The following CNN1 variants were observed in gnomAD, a reference collection of about 807,000 sequenced individuals.
CNN1 encodes the protein calponin 1, also known as calponin-1.
In CNN1, 21 loss-of-function variants were observed where a neutral mutation model predicts 35.3. The observed-to-expected ratio is 0.60, with a 90% CI of 0.42 to 0.86. CNN1 has a LOEUF of 0.86. CNN1 is among the 40% of genes least tolerant of loss of function. The probability of loss-of-function intolerance (pLI) is 0.00; values close to 1 mark genes in which losing one functional copy is unlikely to be tolerated. For synonymous variants in CNN1, 164 were observed against 161.8 expected (o/e 1.01, Z -0.10); for missense variants, 314 against 400.8 (o/e 0.78, Z 1.85).
chr19:11,547,000 G>GGT (rs765108570), intron 4 of CNN1, 31 bp downstream of exon 4: 1 of 1,610,610 alleles, frequency 6.2e-7, no homozygotes, highest in South Asian at 1.1e-5. Context: ...GGCAGGGGGT[G>GGT]GTGGGCAGCC....
rs779216686 is a variant in CNN1 at position 11,549,530 on chromosome 19, G to A, written c.649-20G>A. 2 of 1,601,536 alleles carry A rather than the reference G, an allele frequency of 1.2e-6. No individual in the cohort carries two copies. Among genetic ancestry groups the A allele is most frequent in the Non-Finnish European group, 1.7e-6 (2 of 1,171,002 alleles). ...CAGGACCCTGGCCACCCCACGGCCTGACCACACCACCCTTCGCAGGCTGGC... is the reference window on the plus strand; with the variant it reads ...CAGGACCCTGGCCACCCCACGGCCTAACCACACCACCCTTCGCAGGCTGGC... On this transcript the variant is annotated intron_variant, in intron 6 of 6. Coordinates refer to ENST00000252456, the MANE Select transcript of CNN1 (RefSeq NM_001299.6). This position sits in a 1 kb window ranked among gnomAD's most constrained non-coding sequence, Gnocchi z 5.2.
rs781094973 is a variant in CNN1 at position 11,549,562 on chromosome 19, G to A, written c.661G>A (p.Ala221Thr). 1.3e-6 allele frequency: 2 copies of A among 1,598,872 alleles called. No homozygotes were observed. Among genetic ancestry groups the A allele is most frequent in the South Asian group, 2.2e-5 (2 of 89,904 alleles). The change falls in exon 7 of 7, where the codon GCG becomes ACG. Residue 221 changes from alanine to threonine, a missense_variant. Ala to Thr is a moderately conservative substitution (Grantham distance 58). Transcript: ENST00000252456. The surrounding 1 kb of genome is among the most constrained non-coding windows in gnomAD (Gnocchi z 5.2). Reference sequence around the variant, plus strand: ...CCACCCTTCGCAGGCTGGCATGACTGCGCCAGGGACCAAGCGGCAGATCTT... The same window carrying A: ...CCACCCTTCGCAGGCTGGCATGACTACGCCAGGGACCAAGCGGCAGATCTT... ...NKGASQAGMT[A>T]PGTKRQIFEP...
chr19:11,540,802 T>A (rs138930605), intron 1 of CNN1: 204 of 338,650 alleles, frequency 6.0e-4, no homozygotes, highest in African/African-American at 4.1e-3. Context: ...GCTCAGAGGA[T>A]CCAGCTCCCC....
chr19:11,545,162 C>T (rs1336074397), intron 2 of CNN1, among the ~76,000 whole-genome samples: 2 of 150,990 alleles, frequency 1.3e-5, no homozygotes, highest in African/African-American at 4.9e-5. Context: ...GATCCCGCCA[C>T]TGCCTTCCAG....
intron 1 of CNN1, chr19:11,539,609 G>A: frequency 1.3e-6 from 1 of 790,054 alleles, no homozygotes; most frequent in South Asian, 1.5e-5. Flanking sequence ...CCATACACCA[G>A]GATGGGCTCA....
Position 11,549,768 on chromosome 19 carries a change from C to A in CNN1, c.867C>A (p.His289Gln). 6.2e-7 allele frequency: 1 copy of A among 1,612,954 alleles called. No homozygotes were observed. The highest frequency in any genetic ancestry group is 1.1e-5 in the South Asian group (1 of 90,920). The change falls in exon 7 of 7, where the codon CAC becomes CAA. Residue 289 changes from histidine (H) to glutamine (Q), a missense_variant. His to Gln is a conservative substitution (Grantham distance 24, BLOSUM62 0). Coordinates refer to ENST00000252456, the MANE Select transcript of CNN1 (RefSeq NM_001299.6). This position sits in a 1 kb window ranked among gnomAD's most constrained non-coding sequence, Gnocchi z 5.2. ...TGGGTGAGCCCGCCCACAACCACCA[C>A]GCACACAACTACTACAATTCCGCCT... ...PELGEPAHNH[H>Q]AHNYYNSA
At chr19:11,547,940 A>G (rs1318352209) in intron 5 of CNN1, 33 bp downstream of exon 5, 1 of 1,562,404 alleles carries the variant, frequency 6.4e-7, no homozygotes, top group Admixed American at 1.8e-5. Flanking sequence ...CAGAGGTCAT[A>G]GAGGCCAGGA....
chr19:11,544,662 GT>G (rs745637541), intron 2 of CNN1, among the ~76,000 whole-genome samples: 456 of 131,962 alleles, frequency 3.5e-3, no homozygotes, highest in Non-Finnish European at 4.8e-3. Context: ...AAGTTTTCGG[GT>G]TTTTTTTTTT....
intron 1 of CNN1, chr19:11,539,867 C>T (rs911997788): frequency 2.6e-6 from 3 of 1,162,312 alleles, no homozygotes; most frequent in African/African-American, 3.4e-5. Flanking sequence ...CGCCGCCCTC[C>T]TCCCCCCCAG....
intron 2 of CNN1, among the ~76,000 whole-genome samples, chr19:11,545,202 GAA>G (rs34908887): frequency 7.2e-6 from 1 of 138,736 alleles, no homozygotes; most frequent in Non-Finnish European, 1.6e-5. Context: ...CTCCATCTCG[GAA>G]AAAAAAAAAA....
At chr19:11,539,057 T>TTCAAGGGACCCCAAG in intron 1 of CNN1, 67 bp downstream of exon 1, 1 of 1,376,082 alleles carries the variant, frequency 7.3e-7, no homozygotes, top group African/African-American at 1.5e-5. Context: ...GAGCTTGGGG[T>TTCAAGGGACCCCAAG]CCCTTGAACC....
intron 2 of CNN1, among the ~76,000 whole-genome samples, chr19:11,544,245 C>T (rs1444492283): frequency 6.6e-6 from 1 of 151,900 alleles, no homozygotes; most frequent in Non-Finnish European, 1.5e-5. Flanking sequence ...TCTGGGAGGC[C>T]TCTCTGAAGA....
chr19:11,543,463 TATA>T (rs372575864), intron 2 of CNN1, among the ~76,000 whole-genome samples: 6,702 of 147,488 alleles, frequency 0.045, 479 homozygotes, highest in African/African-American at 0.16. Context: ...GAACTTAAAG[TATA>T]ATAATAATAA....
In CNN1 at chr19:11,549,515, G is replaced by T; in HGVS notation, c.649-35G>T. On this transcript the variant is annotated intron_variant, in intron 6 of 6. Coordinates refer to ENST00000252456, the MANE Select transcript of CNN1 (RefSeq NM_001299.6). The surrounding 1 kb of genome is among the most constrained non-coding windows in gnomAD (Gnocchi z 5.2). ...CACGCCGTCAAGGCCCAGGACCCTG[G>T]CCACCCCACGGCCTGACCACACCAC... The T allele has an allele frequency of 6.2e-7, 1 of 1,606,728 alleles. No homozygotes were observed. Among genetic ancestry groups the T allele is most frequent in the Non-Finnish European group, 8.5e-7 (1 of 1,174,950 alleles).
chr19:11,541,301 C>G, intron 2 of CNN1, 104 bp downstream of exon 2: 2 of 1,405,596 alleles, frequency 1.4e-6, no homozygotes, highest in Non-Finnish European at 1.9e-6. Context: ...TGAACACTTT[C>G]TATTGGATAC....
chr19:11,539,976 TATAAAGC>T, intron 1 of CNN1: 1 of 1,057,344 alleles, frequency 9.5e-7, no homozygotes, highest in Non-Finnish European at 1.1e-6. Flanking sequence ...CGGTTTGCTT[TATAAAGC>T]CGGGCTGGTG....
rs1972396322 is a variant in CNN1 at position 11,538,857 on chromosome 19, G to C, written c.-71G>C. The C allele has an allele frequency of 4.4e-5, 59 of 1,326,010 alleles. No individual in the cohort carries two copies. Among genetic ancestry groups the C allele is most frequent in the Non-Finnish European group, 5.9e-5 (58 of 990,446 alleles). 82.1% of individuals were successfully genotyped at this position (1,326,010 alleles called of 1,614,324 possible). ...TGTGAGGAGGGAAGAGTGTGCAGAC[G>C]GAACTTCAGCCGCTGCCTCTGTTCT... On this transcript the variant is annotated 5_prime_UTR_variant, in exon 1 of 7. Coordinates refer to ENST00000252456, the MANE Select transcript of CNN1 (RefSeq NM_001299.6).
intron 2 of CNN1, among the ~76,000 whole-genome samples, chr19:11,545,175 T>C (rs1213494685): frequency 2.0e-5 from 3 of 149,524 alleles, no homozygotes; most frequent in African/African-American, 7.4e-5. Flanking sequence ...CCTTCCAGCC[T>C]GAGTGACAGA....
chr19:11,546,872 A>G lies in CNN1; in HGVS notation c.293A>G (p.Tyr98Cys), dbSNP rs1243773854. 2 of 1,614,228 alleles carry G rather than the reference A, an allele frequency of 1.2e-6. No homozygotes were observed. Among genetic ancestry groups the G allele is most frequent in the South Asian group, 1.1e-5 (1 of 91,082 alleles). ...IGNFIKAITK[Y>C]GVKPHDIFEA... Reference sequence around the variant, plus strand: ...AACTTCATCAAGGCCATCACCAAGTATGGGGTGAAGCCCCACGACATTTTT... The same window carrying G: ...AACTTCATCAAGGCCATCACCAAGTGTGGGGTGAAGCCCCACGACATTTTT... Residue 98 changes from tyrosine (Y) to cysteine (C), a missense_variant, in exon 4 of 7, where the codon TAT becomes TGT. Physicochemically the swap from Tyr to Cys is radical, Grantham distance 194 (BLOSUM62 -2). Transcript: ENST00000252456.
Sources: gnomAD v4.1 joint callset for allele counts (sites outside exome capture counted in the v4.1 genomes callset) on GRCh38, gnomAD v4.1.1 for gene constraint, Gnocchi (gnomAD v3.1) non-coding constraint, MANE v1.5 for transcripts, NCBI Gene and HGNC (gene_info 2026-07-23, HGNC 2026-07-21) for gene names.